CEP70: variants seen among roughly 807,000 people sequenced by gnomAD.
CEP70 encodes centrosomal protein 70, also known as centrosomal protein of 70 kDa.
CEP70 carries 70 observed loss-of-function variants against 90.9 expected under a neutral mutation model. The observed-to-expected ratio is 0.77, with a 90% CI of 0.64 to 0.94. CEP70 has a LOEUF of 0.94. CEP70 is among the 40% of genes least tolerant of loss of function. The pLI, the probability that CEP70 is intolerant of heterozygous loss-of-function variation, is 0.00. For synonymous variants in CEP70, 220 were observed against 228.3 expected, an observed-to-expected ratio of 0.96 and a Z score of 0.33; for missense variants, 648 against 669.0, an observed-to-expected ratio of 0.97 and a Z score of 0.35.
chr3:138,534,032 C>A (rs1193800615), intron 7 of CEP70, among the ~76,000 whole-genome samples: 1 of 152,220 alleles, frequency 6.6e-6, no homozygotes, highest in African/African-American at 2.4e-5. Flanking sequence ...GATCCGCCCG[C>A]CTCGGCCTCC....
chr3:138,516,773 C>T (rs1250161067), intron 11 of CEP70, among the ~76,000 whole-genome samples: 1 of 152,012 alleles, frequency 6.6e-6, no homozygotes, highest in Non-Finnish European at 1.5e-5. Context: ...AAGGAGGAAA[C>T]AGAGCTGTCG....
At chr3:138,539,824 CCAAA>C (rs1225211328) in intron 6 of CEP70, among the ~76,000 whole-genome samples, 5 of 151,834 alleles carry the variant, frequency 3.3e-5, no homozygotes, top group Admixed American at 2.6e-4. Flanking sequence ...TCAGAGATCA[CCAAA>C]CAGATTCAAT....
chr3:138,575,424 A>G (rs537907831), intron 2 of CEP70, among the ~76,000 whole-genome samples: 1 of 152,322 alleles, frequency 6.6e-6, no homozygotes, highest in Non-Finnish European at 1.5e-5. Flanking sequence ...AGGAATGAAC[A>G]AAGCCTCCAA....
intron 6 of CEP70, among the ~76,000 whole-genome samples, chr3:138,539,562 T>G (rs1265647602): frequency 6.6e-6 from 1 of 152,082 alleles, no homozygotes; most frequent in Non-Finnish European, 1.5e-5. Context: ...AGGCTTTTAA[T>G]AGCAGACTGG....
At chr3:138,590,665 GC>G (rs2042337898) in intron 2 of CEP70, among the ~76,000 whole-genome samples, 1 of 149,548 alleles carries the variant, frequency 6.7e-6, no homozygotes, top group African/African-American at 2.5e-5. Context: ...AAAAAAAATA[GC>G]CGATCCTGGT....
intron 11 of CEP70, among the ~76,000 whole-genome samples, chr3:138,518,785 C>A (rs908567651): frequency 1.3e-5 from 2 of 152,154 alleles, no homozygotes; most frequent in Admixed American, 6.5e-5. Context: ...CTCTCCTCCT[C>A]CAAAGCAATG....
At chr3:138,594,063 G>A (rs2042535102) in intron 1 of CEP70, 135 bp downstream of exon 1, 2 of 152,256 alleles carry the variant, frequency 1.3e-5, no homozygotes. Context: ...TTTTTAATTG[G>A]CGCGACCCTG....
At chr3:138,555,855 G>A (rs2039967317) in intron 6 of CEP70, among the ~76,000 whole-genome samples, 1 of 152,190 alleles carries the variant, frequency 6.6e-6, no homozygotes, top group African/African-American at 2.4e-5. Context: ...AAACAGTGTG[G>A]AGATTCATTA....
chr3:138,516,654 G>C (rs892347721), intron 11 of CEP70, among the ~76,000 whole-genome samples: 1 of 152,138 alleles, frequency 6.6e-6, no homozygotes, highest in South Asian at 2.1e-4. Flanking sequence ...CCAAAGTGCT[G>C]GGATTACAGG....
chr3:138,556,258 G>A (rs192894106), intron 6 of CEP70, among the ~76,000 whole-genome samples: 20 of 152,258 alleles, frequency 1.3e-4, no homozygotes, highest in African/African-American at 2.9e-4. Flanking sequence ...GGCCGGGCAC[G>A]GTGGCTCACG....
At chr3:138,587,642 T>C (rs2042172369) in intron 2 of CEP70, among the ~76,000 whole-genome samples, 1 of 150,994 alleles carries the variant, frequency 6.6e-6, no homozygotes, top group South Asian at 2.1e-4. Flanking sequence ...TAGCCAGGCA[T>C]TGTGGCATGA....
intron 6 of CEP70, among the ~76,000 whole-genome samples, chr3:138,554,508 A>G (rs1380744438): frequency 6.6e-6 from 1 of 152,204 alleles, no homozygotes; most frequent in African/African-American, 2.4e-5. Flanking sequence ...CACCCAAATC[A>G]GTAAAGAGGA....
chr3:138,579,306 A>G (rs2041723242), intron 2 of CEP70, among the ~76,000 whole-genome samples: 1 of 152,086 alleles, frequency 6.6e-6, no homozygotes. Context: ...TGCAACTCCA[A>G]GGCAAGTCCT....
intron 6 of CEP70, among the ~76,000 whole-genome samples, chr3:138,542,346 C>T (rs1426312075): frequency 6.6e-6 from 1 of 152,182 alleles, no homozygotes; most frequent in African/African-American, 2.4e-5. Flanking sequence ...CCACAGAGGC[C>T]CAAAGAGGGT....
At chr3:138,566,512 A>C (rs755802864) in intron 6 of CEP70, among the ~76,000 whole-genome samples, 36 of 151,990 alleles carry the variant, frequency 2.4e-4, no homozygotes, top group Non-Finnish European at 4.6e-4. Context: ...GGAGGAGTGC[A>C]TGTCCTTTGA....
chr3:138,501,049 T>C (rs1049148579), intron 13 of CEP70, among the ~76,000 whole-genome samples, 168 bp from the exon 14 acceptor site: 5 of 151,850 alleles, frequency 3.3e-5, no homozygotes, highest in African/African-American at 1.2e-4. Flanking sequence ...ATCATTTTTT[T>C]TAAATAAAAA....
chr3:138,495,191 G>T (rs951937789), intron 17 of CEP70, 115 bp from the exon 18 acceptor site: 2 of 598,056 alleles, frequency 3.3e-6, no homozygotes, highest in Admixed American at 6.4e-5. Flanking sequence ...AATAATACTG[G>T]TGCTTTTGTG....
At chr3:138,517,448 T>A (rs1219555563) in intron 11 of CEP70, among the ~76,000 whole-genome samples, 2 of 143,036 alleles carry the variant, frequency 1.4e-5, no homozygotes, top group Non-Finnish European at 3.1e-5. Flanking sequence ...GGCGGGTGGA[T>A]CACGAGGTCA....
intron 6 of CEP70, among the ~76,000 whole-genome samples, chr3:138,558,102 T>A (rs1293958101): frequency 6.6e-6 from 1 of 152,198 alleles, no homozygotes; most frequent in African/African-American, 2.4e-5. Context: ...CAGTGGCTCA[T>A]GCCTGTAATC....
Sources: allele counts gnomAD v4.1 joint callset (sites outside exome capture counted in the v4.1 genomes callset), GRCh38; gene constraint gnomAD v4.1.1; transcripts MANE v1.5; gene names NCBI Gene and HGNC (gene_info 2026-07-23, HGNC 2026-07-21).